SHISA9: variants seen among roughly 807,000 people sequenced by gnomAD.
SHISA9 encodes the protein protein shisa-9.
SHISA9 carries 13 observed loss-of-function variants against 38.0 expected under a neutral mutation model. The ratio of observed to expected loss-of-function variants is 0.34; its 90% confidence interval spans 0.22 to 0.54. The LOEUF (loss-of-function observed/expected upper bound fraction) is 0.54, where lower values mean the gene tolerates loss of function less well. SHISA9 is among the 20% of genes least tolerant of loss of function. SHISA9 has a pLI of 0.91. For missense variants in SHISA9, 538 were observed against 575.8 expected, an observed-to-expected ratio of 0.93 and a Z score of 0.67; for synonymous variants, 275 against 242.0, an observed-to-expected ratio of 1.14 and a Z score of -1.27.
At chr16:13,506,409 C>A in the SHISA9 span, among the ~76,000 whole-genome samples, 76 of 152,146 alleles carry the variant, frequency 5.0e-4, no homozygotes, top group African/African-American at 1.6e-3. Context: ...AATGATATAG[C>A]ATATTAGCAG....
chr16:13,408,523 T>A, the SHISA9 span, among the ~76,000 whole-genome samples: 1 of 152,190 alleles, frequency 6.6e-6, no homozygotes, highest in Non-Finnish European at 1.5e-5. Flanking sequence ...CTAGCATAAC[T>A]GATAAAAATT....
chr16:13,166,991 A>AT (rs1182340385), intron 2 of SHISA9, among the ~76,000 whole-genome samples: 1 of 150,856 alleles, frequency 6.6e-6, no homozygotes, highest in African/African-American at 2.4e-5. Context: ...TTAAAAAAAA[A>AT]TTTTTTAAGA....
chr16:13,281,628 C>T, the SHISA9 span, among the ~76,000 whole-genome samples: 1 of 140,176 alleles, frequency 7.1e-6, no homozygotes, highest in South Asian at 2.2e-4. Flanking sequence ...ATTATATTTT[C>T]TCTTAATTTT....
At chr16:13,026,970 G>T (rs2141872831) in intron 2 of SHISA9, among the ~76,000 whole-genome samples, 1 of 152,304 alleles carries the variant, frequency 6.6e-6, no homozygotes, top group East Asian at 1.9e-4. Context: ...GTCATTGTCT[G>T]TGTCTTCAAG....
At chr16:13,056,340 C>G (rs931513945) in intron 2 of SHISA9, among the ~76,000 whole-genome samples, 1 of 152,042 alleles carries the variant, frequency 6.6e-6, no homozygotes, top group Non-Finnish European at 1.5e-5. Flanking sequence ...TATGGTTTGT[C>G]TAGGGAAAAG....
the SHISA9 span, among the ~76,000 whole-genome samples, chr16:13,262,670 AAGGGAGGG>A: frequency 1.1e-4 from 8 of 70,706 alleles, no homozygotes; most frequent in African/African-American, 1.9e-4. Context: ...GGAAGGAAGG[AAGGGAGGG>A]AGGAAGGAAG....
chr16:12,998,474 C>G (rs530352872), intron 2 of SHISA9, among the ~76,000 whole-genome samples: 2 of 152,264 alleles, frequency 1.3e-5, no homozygotes, highest in African/African-American at 4.8e-5. Context: ...GTTCATGGTA[C>G]TGCTAATGTC....
the SHISA9 span, among the ~76,000 whole-genome samples, chr16:13,426,651 A>G: frequency 6.6e-6 from 1 of 152,234 alleles, no homozygotes; most frequent in African/African-American, 2.4e-5. Flanking sequence ...CAGACAGAAC[A>G]ATACATTAAG....
At chr16:13,194,287 T>TACAGTA (rs2050916141) in intron 2 of SHISA9, among the ~76,000 whole-genome samples, 2 of 152,256 alleles carry the variant, frequency 1.3e-5, no homozygotes, top group African/African-American at 2.4e-5. Context: ...CACATTGTAT[T>TACAGTA]ACTGTCTGGC....
chr16:13,354,914 G>T, the SHISA9 span, among the ~76,000 whole-genome samples: 1 of 151,986 alleles, frequency 6.6e-6, no homozygotes, highest in Non-Finnish European at 1.5e-5. Context: ...TTGAAGTAAT[G>T]GGGGCTGTCT....
At chr16:13,230,526 G>T (rs1388787417) in intron 4 of SHISA9, among the ~76,000 whole-genome samples, 2 of 152,076 alleles carry the variant, frequency 1.3e-5, no homozygotes, top group East Asian at 1.9e-4. Flanking sequence ...AAGGGTGGGT[G>T]GTCCCATGTG....
chr16:12,953,466 A>G (rs1345554316), intron 2 of SHISA9, among the ~76,000 whole-genome samples: 1 of 152,224 alleles, frequency 6.6e-6, no homozygotes, highest in Non-Finnish European at 1.5e-5. Context: ...GAAGCCAGAC[A>G]CCTAACACCA....
chr16:13,328,123 C>A, the SHISA9 span, among the ~76,000 whole-genome samples: 3 of 152,206 alleles, frequency 2.0e-5, no homozygotes, highest in Non-Finnish European at 4.4e-5. Context: ...CCCATTCCCC[C>A]TCCTCTTAAT....
chr16:13,048,066 A>G (rs569901211), intron 2 of SHISA9, among the ~76,000 whole-genome samples: 1 of 152,192 alleles, frequency 6.6e-6, no homozygotes, highest in Non-Finnish European at 1.5e-5. Flanking sequence ...CTTCTGAAGG[A>G]TATTATTCTG....
intron 2 of SHISA9, among the ~76,000 whole-genome samples, chr16:13,052,716 C>CT (rs1457814407): frequency 6.6e-6 from 1 of 151,936 alleles, no homozygotes; most frequent in Non-Finnish European, 1.5e-5. Context: ...ATCTGTTGTT[C>CT]TTTTTCAGTG....
intron 2 of SHISA9, among the ~76,000 whole-genome samples, chr16:13,201,967 A>G (rs1213942232): frequency 9.0e-6 from 1 of 110,818 alleles, no homozygotes; most frequent in Non-Finnish European, 1.9e-5. Context: ...GCATACCTGG[A>G]TGGACACACA....
intron 2 of SHISA9, among the ~76,000 whole-genome samples, chr16:13,150,048 A>C (rs1442808018): frequency 6.0e-5 from 9 of 150,074 alleles, no homozygotes; most frequent in African/African-American, 2.2e-4. Context: ...AAAAAAAAAA[A>C]AAAAAAACTA....
chr16:13,500,776 C>T, the SHISA9 span, among the ~76,000 whole-genome samples: 1 of 152,090 alleles, frequency 6.6e-6, no homozygotes, highest in East Asian at 1.9e-4. Flanking sequence ...TAGAAACTGA[C>T]TCTAACTAAC....
chr16:13,176,988 C>A (rs936832639), intron 2 of SHISA9, among the ~76,000 whole-genome samples: 2 of 152,108 alleles, frequency 1.3e-5, no homozygotes, highest in Non-Finnish European at 2.9e-5. Flanking sequence ...AGCTTTTGAT[C>A]TTTGAGGGCT....
Sources: gnomAD v4.1 joint callset for allele counts (sites outside exome capture counted in the v4.1 genomes callset) on GRCh38, gnomAD v4.1.1 for gene constraint, MANE v1.5 for transcripts, NCBI Gene and HGNC (gene_info 2026-07-23, HGNC 2026-07-21) for gene names.